DLG1: variants seen among roughly 807,000 people sequenced by gnomAD.
The protein encoded by DLG1 is discs large MAGUK scaffold protein 1, also known as disks large homolog 1.
DLG1 carries 42 observed loss-of-function variants against 123.4 expected under a neutral mutation model. That is an observed-to-expected ratio of 0.34 (90% CI 0.27 to 0.44). The LOEUF (loss-of-function observed/expected upper bound fraction) is 0.44, where lower values mean the gene tolerates loss of function less well. DLG1 is among the 20% of genes least tolerant of loss of function. The pLI is 1.00. For missense variants in DLG1, 942 were observed against 1,082.6 expected, an observed-to-expected ratio of 0.87 and a Z score of 1.82; for synonymous variants, 317 against 356.2, an observed-to-expected ratio of 0.89 and a Z score of 1.24.
intron 6 of DLG1, among the ~76,000 whole-genome samples, chr3:197,149,367 T>C (rs1477518269): frequency 1.3e-5 from 2 of 152,194 alleles, no homozygotes; most frequent in Non-Finnish European, 2.9e-5. Flanking sequence ...TATTTTCGTA[T>C]ATATGAATGC....
At chr3:197,248,153 C>T (rs1752663513) in intron 4 of DLG1, among the ~76,000 whole-genome samples, 1 of 152,202 alleles carries the variant, frequency 6.6e-6, no homozygotes, top group Non-Finnish European at 1.5e-5. Context: ...CTTTACCACC[C>T]CTGCGGCTTT....
intron 5 of DLG1, among the ~76,000 whole-genome samples, chr3:197,174,046 G>A (rs1194698692): frequency 1.3e-5 from 2 of 152,150 alleles, no homozygotes; most frequent in African/African-American, 2.4e-5. Context: ...TCGCGCCACT[G>A]CACTCCAGCC....
chr3:197,244,162 G>C (rs180691849), intron 4 of DLG1, among the ~76,000 whole-genome samples: 1 of 152,332 alleles, frequency 6.6e-6, no homozygotes, highest in East Asian at 1.9e-4. Context: ...TGAGAGACAT[G>C]AGGTAAAACT....
intron 4 of DLG1, among the ~76,000 whole-genome samples, chr3:197,250,540 G>C (rs1362094624): frequency 6.6e-6 from 1 of 150,570 alleles, no homozygotes; most frequent in Non-Finnish European, 1.5e-5. Context: ...CTGCACTCCA[G>C]CCCTGGCGAC....
intron 5 of DLG1, among the ~76,000 whole-genome samples, chr3:197,189,808 G>T (rs1227717426): frequency 1.3e-5 from 2 of 152,152 alleles, no homozygotes; most frequent in African/African-American, 4.8e-5. Context: ...GTCAGGAAAG[G>T]TTTACATATG....
intron 14 of DLG1, among the ~76,000 whole-genome samples, chr3:197,102,693 G>A (rs144491210): frequency 6.0e-4 from 92 of 152,262 alleles, no homozygotes; most frequent in African/African-American, 2.1e-3. Context: ...TGGCCAACAT[G>A]GTGAAACCCC....
chr3:197,294,923 C>A (rs1370228174), intron 3 of DLG1, among the ~76,000 whole-genome samples: 1 of 151,782 alleles, frequency 6.6e-6, no homozygotes, highest in African/African-American at 2.4e-5. Flanking sequence ...ATATATATAT[C>A]TCTATACTGT....
chr3:197,149,760 A>G lies in DLG1; in HGVS notation c.520T>C (p.Leu174=), dbSNP rs1188781522. The G allele has an allele frequency of 4.4e-6, 7 of 1,602,930 alleles. No individual in the cohort carries two copies. The highest frequency in any genetic ancestry group is 6.0e-6 in the Non-Finnish European group (7 of 1,170,730). ...GAACTTACGTAAGTTGGTGTTTCCAAGCTATCTGTGTTGACCAGTACTGGG... is the reference window on the plus strand; with the variant it reads ...GAACTTACGTAAGTTGGTGTTTCCAGGCTATCTGTGTTGACCAGTACTGGG... ...PPPVLVNTDS[L]ETPTYVNGTD... Residue 174 remains leucine (L), a synonymous_variant, in exon 6 of 25, where the codon TTG becomes CTG. Transcript: ENST00000667157.
In DLG1 at chr3:197,051,556, C is replaced by T. The variant is rs138429212; in HGVS notation, c.2575+21G>A. 8.3e-4 allele frequency: 1,331 copies of T among 1,597,066 alleles called. 9 individuals carry two copies. The African/African-American group carries it at 0.016, about 19-fold the overall frequency. ...AAGCAAAATTCTATCTTAAAGAGGA[C>T]TGTTACAACACGGTTCCAACCTGTG... On this transcript the variant is annotated intron_variant, in intron 24 of 24. Transcript: ENST00000667157.
chr3:197,065,483 A>AT (rs767624271), intron 21 of DLG1, 35 bp from the exon 22 acceptor site: 1 of 1,511,996 alleles, frequency 6.6e-7, no homozygotes, highest in Non-Finnish European at 8.9e-7. Context: ...AGTGTTTAAT[A>AT]TTAAAAAAAA....
At chr3:197,117,015 C>T (rs1284971694) in intron 12 of DLG1, among the ~76,000 whole-genome samples, 2 of 152,074 alleles carry the variant, frequency 1.3e-5, no homozygotes, top group African/African-American at 4.8e-5. Flanking sequence ...AAAAAATACT[C>T]AGCTGAAATT....
At chr3:197,264,161 C>T (rs1278536076) in intron 4 of DLG1, among the ~76,000 whole-genome samples, 2 of 152,148 alleles carry the variant, frequency 1.3e-5, no homozygotes, top group East Asian at 1.9e-4. Context: ...CATTCATCTC[C>T]GATGTCTAGG....
At chr3:197,051,524 G>T in intron 24 of DLG1, 53 bp downstream of exon 24, 1 of 1,466,764 alleles carries the variant, frequency 6.8e-7, no homozygotes, top group Non-Finnish European at 9.5e-7. Context: ...CGGTTCACAT[G>T]GCTTCAAAGC....
intron 14 of DLG1, among the ~76,000 whole-genome samples, chr3:197,102,231 A>T (rs535112044): frequency 8.5e-5 from 13 of 152,368 alleles, no homozygotes; most frequent in African/African-American, 3.1e-4. Flanking sequence ...AGTTCAAAGT[A>T]CACAAGCTGA....
chr3:197,110,746 C>A (rs1410581561), intron 13 of DLG1, among the ~76,000 whole-genome samples: 2 of 152,104 alleles, frequency 1.3e-5, no homozygotes, highest in Admixed American at 1.3e-4. Flanking sequence ...GTCTGGTTAG[C>A]TTAGTGGTTA....
intron 10 of DLG1, 103 bp downstream of exon 10, chr3:197,136,439 A>T: frequency 1.1e-6 from 1 of 888,434 alleles, no homozygotes; most frequent in Non-Finnish European, 1.7e-6. Context: ...TTGCTAATTT[A>T]AACATCATTT....
intron 3 of DLG1, among the ~76,000 whole-genome samples, chr3:197,284,073 C>A (rs549849475): frequency 5.3e-5 from 8 of 152,092 alleles, no homozygotes; most frequent in African/African-American, 1.9e-4. Flanking sequence ...GTTGGCCAGG[C>A]AGGTCTCGAA....
intron 15 of DLG1, among the ~76,000 whole-genome samples, chr3:197,089,683 C>T: frequency 6.6e-6 from 1 of 151,656 alleles, no homozygotes; most frequent in Non-Finnish European, 1.5e-5. Flanking sequence ...AAGGCAACAC[C>T]TATTAATTAT....
chr3:197,069,013 T>C lies in DLG1; in HGVS notation c.2047+206A>G, dbSNP rs553254066. 1.4e-4 allele frequency among the ~76,000 whole-genome samples: 21 copies of C among 152,234 alleles called. No homozygotes were observed. The East Asian group carries it at 4.0e-3, about 29-fold the overall frequency. ...GTATCATGTACACAAATAATATTTT[T>C]ATTTTATTAAAATTTTATAAATTAA... On this transcript the variant is annotated intron_variant, in intron 19 of 24. Coordinates refer to ENST00000667157, the MANE Select transcript of DLG1 (RefSeq NM_001366207.1).
Sources: gnomAD v4.1 joint callset for allele counts (sites outside exome capture counted in the v4.1 genomes callset) on GRCh38, gnomAD v4.1.1 for gene constraint, MANE v1.5 for transcripts, NCBI Gene and HGNC (gene_info 2026-07-23, HGNC 2026-07-21) for gene names.